C6orf89: variants seen among roughly 807,000 people sequenced by gnomAD.
C6orf89 encodes the protein bombesin receptor-activated protein C6orf89.
A neutral mutation model predicts 40.7 loss-of-function variants in C6orf89; 29 were observed. That is an observed-to-expected ratio of 0.71 (90% CI 0.53 to 0.97). The LOEUF is 0.97. Among genes scored for constraint, C6orf89 ranks in the 50% least tolerant of loss-of-function variants. The pLI is 0.00. For synonymous variants in C6orf89, 165 were observed against 152.2 expected, an observed-to-expected ratio of 1.08 and a Z score of -0.62; for missense variants, 392 against 429.1, an observed-to-expected ratio of 0.91 and a Z score of 0.76.
chr6:36,910,471 T>C (rs1037340134), intron 4 of C6orf89, among the ~76,000 whole-genome samples: 2 of 152,204 alleles, frequency 1.3e-5, no homozygotes, highest in African/African-American at 4.8e-5. Context: ...CTGACACCTA[T>C]AATTCCAGCA....
chr6:36,903,851 GT>G (rs201474524), intron 4 of C6orf89, among the ~76,000 whole-genome samples: 16 of 149,962 alleles, frequency 1.1e-4, no homozygotes, highest in African/African-American at 3.7e-4. Flanking sequence ...AGGAGTTTTT[GT>G]TTTTTTTTAA....
intron 1 of C6orf89, among the ~76,000 whole-genome samples, chr6:36,893,242 T>C (rs1016139128): frequency 7.2e-5 from 11 of 152,120 alleles, no homozygotes; most frequent in Non-Finnish European, 1.3e-4. Flanking sequence ...CCTTGATTTT[T>C]TTTTTTTTAA....
chr6:36,873,333 G>A (rs894090858), intron 1 of C6orf89, among the ~76,000 whole-genome samples: 2 of 152,158 alleles, frequency 1.3e-5, no homozygotes, highest in African/African-American at 4.8e-5. Context: ...AAATGTCCTT[G>A]AAATAGGAAA....
intron 3 of C6orf89, 86 bp downstream of exon 3, chr6:36,899,719 A>G (rs901935921): frequency 7.7e-7 from 1 of 1,291,742 alleles, no homozygotes; most frequent in African/African-American, 1.5e-5. Context: ...GACTAATCCC[A>G]CCACTGAGCA....
intron 2 of C6orf89, among the ~76,000 whole-genome samples, chr6:36,879,760 G>A (rs1222933110): frequency 1.3e-5 from 2 of 152,108 alleles, no homozygotes; most frequent in African/African-American, 2.4e-5. Flanking sequence ...AAACTGGATG[G>A]GGTCTCCATC....
intron 2 of C6orf89, among the ~76,000 whole-genome samples, chr6:36,896,444 T>C (rs1351646216): frequency 6.6e-6 from 1 of 152,172 alleles, no homozygotes; most frequent in African/African-American, 2.4e-5. Flanking sequence ...GCTATTCAAA[T>C]CCTTTGTCTA....
At chr6:36,872,277 T>C (rs963345647) in intron 1 of C6orf89, among the ~76,000 whole-genome samples, 2 of 152,296 alleles carry the variant, frequency 1.3e-5, no homozygotes, top group East Asian at 1.9e-4. Flanking sequence ...CAGGAGTTCA[T>C]ATTTATTTAG....
At chr6:36,876,812 G>A (rs1470513531) in intron 1 of C6orf89, among the ~76,000 whole-genome samples, 1 of 151,958 alleles carries the variant, frequency 6.6e-6, no homozygotes, top group Non-Finnish European at 1.5e-5. Context: ...GGTTTGGACA[G>A]TCAAAAATTT....
chr6:36,893,307 T>A (rs11963298), intron 1 of C6orf89, among the ~76,000 whole-genome samples: 32,006 of 151,786 alleles, frequency 0.21, 3,482 homozygotes, highest in East Asian at 0.3. Context: ...CAAATCCCAA[T>A]AGTGTCCCTC....
At chr6:36,883,910 A>T (rs1774891654), upstream of C6orf89, among the ~76,000 whole-genome samples, 1 of 152,254 alleles carries the variant, frequency 6.6e-6, no homozygotes, top group Admixed American at 6.5e-5. Context: ...TAAACAGAAA[A>T]GTACCTGTGC....
intron 4 of C6orf89, among the ~76,000 whole-genome samples, chr6:36,913,298 G>A (rs557689880): frequency 1.3e-5 from 2 of 152,306 alleles, no homozygotes; most frequent in African/African-American, 4.8e-5. Context: ...ATGTGGGGCT[G>A]GAAACTATGG....
At chr6:36,914,816 C>T in intron 6 of C6orf89, 123 bp downstream of exon 6, 1 of 1,161,498 alleles carries the variant, frequency 8.6e-7, no homozygotes, top group Non-Finnish European at 1.2e-6. Flanking sequence ...ATGGCAAAAC[C>T]CCATCTCTAC....
At chr6:36,877,530 C>T (rs557614860) in intron 1 of C6orf89, among the ~76,000 whole-genome samples, 1 of 152,276 alleles carries the variant, frequency 6.6e-6, no homozygotes, top group African/African-American at 2.4e-5. Flanking sequence ...AGGGTTTCAC[C>T]ATGTTGGCCA....
intron 7 of C6orf89, among the ~76,000 whole-genome samples, chr6:36,918,428 G>T (rs906822245): frequency 6.6e-6 from 1 of 152,230 alleles, no homozygotes; most frequent in African/African-American, 2.4e-5. Flanking sequence ...GCTAGCTGAA[G>T]ACACCAGGCT....
chr6:36,872,575 C>T (rs886303876), intron 1 of C6orf89, among the ~76,000 whole-genome samples: 2 of 151,956 alleles, frequency 1.3e-5, no homozygotes, highest in Non-Finnish European at 2.9e-5. Flanking sequence ...CCCTCTACTC[C>T]AGCACATACC....
Position 36,928,120 on chromosome 6 carries a change from A to T in C6orf89, c.*4679A>T, listed in dbSNP as rs1458976962. The T allele has an allele frequency of 6.6e-6, 1 of 152,204 alleles. No individual in the cohort carries two copies. The highest frequency in any genetic ancestry group is 1.5e-5 in the Non-Finnish European group (1 of 68,066). 9.4% of individuals were successfully genotyped at this position (152,204 alleles called of 1,614,324 possible). ...CGAAATGTCCAGACTTTTTCAGACT[A>T]GTGGAGGGAAGGAATGTTACATAAC... On this transcript the variant is annotated 3_prime_UTR_variant, in exon 9 of 9. Transcript: ENST00000480824.
At chr6:36,909,848 A>G (rs1273913926) in intron 4 of C6orf89, among the ~76,000 whole-genome samples, 1 of 151,740 alleles carries the variant, frequency 6.6e-6, no homozygotes, top group Non-Finnish European at 1.5e-5. Context: ...AATACTGATT[A>G]TTTGTCTCGT....
intron 1 of C6orf89, among the ~76,000 whole-genome samples, chr6:36,875,205 A>G (rs1354082696): frequency 6.6e-6 from 1 of 152,244 alleles, no homozygotes; most frequent in Non-Finnish European, 1.5e-5. Flanking sequence ...AGATGCCAGT[A>G]AAGAATTTTT....
At chr6:36,884,664 G>A (rs553334796), upstream of C6orf89, among the ~76,000 whole-genome samples, 4 of 152,134 alleles carry the variant, frequency 2.6e-5, no homozygotes, top group African/African-American at 4.8e-5. This position sits in a 1 kb window ranked among gnomAD's most constrained non-coding sequence, Gnocchi z 4.0. Context: ...TTCTGGTCAC[G>A]CTGTCACCTA....
Sources: gnomAD v4.1 joint callset for allele counts (sites outside exome capture counted in the v4.1 genomes callset) on GRCh38, gnomAD v4.1.1 for gene constraint, Gnocchi (gnomAD v3.1) non-coding constraint, MANE v1.5 for transcripts, NCBI Gene and HGNC (gene_info 2026-07-23, HGNC 2026-07-21) for gene names.